TMEM132D: variants seen among roughly 807,000 people sequenced by gnomAD.
The protein encoded by TMEM132D is mature OL transmembrane protein.
A neutral mutation model predicts 62.3 loss-of-function variants in TMEM132D; 21 were observed. The ratio of observed to expected loss-of-function variants is 0.34; its 90% CI spans 0.24 to 0.49. The LOEUF (loss-of-function observed/expected upper bound fraction) is 0.49. Ranked by LOEUF, TMEM132D falls within the 20% of genes least tolerant of loss-of-function variation. The pLI is 0.99. For synonymous variants in TMEM132D, 621 were observed against 575.6 expected (o/e 1.08, Z -1.13); for missense variants, 1,346 against 1,402.8 (o/e 0.96, Z 0.65).
At chr12:129,816,956 C>T (rs922816258) in intron 1 of TMEM132D, among the ~76,000 whole-genome samples, 7 of 152,156 alleles carry the variant, frequency 4.6e-5, no homozygotes, top group Middle Eastern at 3.2e-3. Context: ...TGAGTCAGCT[C>T]TTATTATAGT....
At chr12:129,147,289 C>CATATGTATATATATACATGTGG (rs1565978413) in intron 5 of TMEM132D, among the ~76,000 whole-genome samples, 1 of 148,416 alleles carries the variant, frequency 6.7e-6, no homozygotes, top group Non-Finnish European at 1.5e-5. Context: ...TATACATGTG[C>CATATGTATATATATACATGTGG]ATATGTATAT....
chr12:129,732,178 G>T (rs1869271035), intron 1 of TMEM132D, among the ~76,000 whole-genome samples: 2 of 152,098 alleles, frequency 1.3e-5, no homozygotes, highest in South Asian at 2.1e-4. Context: ...TCCTCAGATC[G>T]CATGGGGAAG....
In TMEM132D at chr12:129,731,726, T is replaced by C. The variant is rs552996561; in HGVS notation, c.80-31028A>G. On this transcript the variant is annotated intron_variant, in intron 1 of 8. Coordinates refer to ENST00000422113, the MANE Select transcript of TMEM132D (RefSeq NM_133448.3). Reference sequence around the variant, plus strand: ...CGCCCGGGCTACAGTGCAGTGGCACTATCTTGGCTCACTGCAAGCTCCGCC... The same window carrying C: ...CGCCCGGGCTACAGTGCAGTGGCACCATCTTGGCTCACTGCAAGCTCCGCC... Among the ~76,000 whole-genome samples the C allele has an allele frequency of 2.6e-5, 4 of 152,116 alleles. No individual in the cohort carries two copies. In the East Asian group the frequency reaches 5.8e-4, roughly 22 times the overall value.
intron 3 of TMEM132D, among the ~76,000 whole-genome samples, chr12:129,469,332 T>C (rs1450800675): frequency 6.6e-6 from 1 of 152,224 alleles, no homozygotes; most frequent in Admixed American, 6.5e-5. Context: ...AACTCTGTGA[T>C]AACCTTTCTC....
chr12:129,147,335 TA>T (rs1876942088), intron 5 of TMEM132D, among the ~76,000 whole-genome samples: 1 of 147,822 alleles, frequency 6.8e-6, no homozygotes, highest in Non-Finnish European at 1.5e-5. Context: ...TATACATATA[TA>T]TTTTTTCTGA....
chr12:129,166,307 G>A (rs12821638), intron 5 of TMEM132D, among the ~76,000 whole-genome samples: 11,620 of 44,766 alleles, frequency 0.26, 1,407 homozygotes, highest in African/African-American at 0.36. Flanking sequence ...CCCCTGCTCC[G>A]TCTAAAGGGC....
At chr12:129,564,362 A>G (rs1384728936) in intron 2 of TMEM132D, among the ~76,000 whole-genome samples, 1 of 152,234 alleles carries the variant, frequency 6.6e-6, no homozygotes, top group Non-Finnish European at 1.5e-5. Context: ...GACAGAATTA[A>G]CAGACTAAAA....
At position 129,734,925 on chromosome 12, in the gene TMEM132D, C is replaced by A. The variant is rs572385797; in HGVS notation, c.80-34227G>T. Among the ~76,000 whole-genome samples, 9 of 152,136 alleles carry A rather than the reference C, an allele frequency of 5.9e-5. No individual in the cohort carries two copies. In the East Asian group the frequency reaches 1.4e-3, roughly 23 times the overall value. ...ACAAAGGAACTGGAACTATAAAAGG[C>A]AAGTAACCTGATAATCATAGAAACA... is the stretch of plus-strand genomic sequence containing the variant. On this transcript the variant is annotated intron_variant, in intron 1 of 8. Transcript: ENST00000422113.
chr12:129,676,980 T>C (rs1880647406), intron 2 of TMEM132D, among the ~76,000 whole-genome samples: 2 of 152,196 alleles, frequency 1.3e-5, no homozygotes, highest in Admixed American at 1.3e-4. Flanking sequence ...TTTAGAAAAT[T>C]TACATATCAG....
At chr12:129,719,689 C>T (rs920603206) in intron 1 of TMEM132D, among the ~76,000 whole-genome samples, 9 of 152,192 alleles carry the variant, frequency 5.9e-5, no homozygotes, top group Non-Finnish European at 8.8e-5. Context: ...ATTAGTTATT[C>T]GACCAGAAAG....
intron 1 of TMEM132D, among the ~76,000 whole-genome samples, chr12:129,869,851 G>T (rs1386590319): frequency 6.6e-6 from 1 of 152,128 alleles, no homozygotes; most frequent in Non-Finnish European, 1.5e-5. Context: ...TCTCCATCTA[G>T]ACATCTCTAG....
At chr12:129,518,110 A>G (rs1003647904) in intron 3 of TMEM132D, among the ~76,000 whole-genome samples, 3 of 152,188 alleles carry the variant, frequency 2.0e-5, no homozygotes, top group Admixed American at 6.6e-5. Flanking sequence ...GAGGATAAAC[A>G]ATTTCATTTT....
chr12:129,819,863 G>A (rs1872495968), intron 1 of TMEM132D, among the ~76,000 whole-genome samples: 1 of 152,160 alleles, frequency 6.6e-6, no homozygotes, highest in African/African-American at 2.4e-5. Flanking sequence ...AAAGAAAAGT[G>A]CTGCTGCTAC....
intron 1 of TMEM132D, among the ~76,000 whole-genome samples, chr12:129,849,503 C>A (rs937964136): frequency 6.6e-6 from 1 of 152,142 alleles, no homozygotes; most frequent in Non-Finnish European, 1.5e-5. Flanking sequence ...TGAATCTACT[C>A]GAGTTATGTG....
intron 2 of TMEM132D, among the ~76,000 whole-genome samples, chr12:129,583,364 T>A (rs1202277075): frequency 6.6e-6 from 1 of 152,176 alleles, no homozygotes; most frequent in African/African-American, 2.4e-5. Context: ...CACTAAGGAA[T>A]GACAACATGA....
chr12:129,495,200 A>G (rs1397691139), intron 3 of TMEM132D, among the ~76,000 whole-genome samples: 2 of 141,620 alleles, frequency 1.4e-5, no homozygotes, highest in Non-Finnish European at 3.0e-5. Flanking sequence ...TTAGATTCAC[A>G]CAAACAAGAG....
intron 1 of TMEM132D, among the ~76,000 whole-genome samples, chr12:129,704,885 A>G (rs1463728186): frequency 6.6e-6 from 1 of 152,076 alleles, no homozygotes; most frequent in Non-Finnish European, 1.5e-5. Context: ...TACCTTTTAT[A>G]CAAAATGACT....
chr12:129,144,631 A>G (rs1002753560), intron 5 of TMEM132D, among the ~76,000 whole-genome samples: 3 of 152,142 alleles, frequency 2.0e-5, no homozygotes, highest in African/African-American at 7.2e-5. Context: ...ACATGAGACC[A>G]GCCCAAATTG....
At chr12:129,177,428 G>A (rs1483141226) in intron 5 of TMEM132D, among the ~76,000 whole-genome samples, 1 of 152,202 alleles carries the variant, frequency 6.6e-6, no homozygotes, top group East Asian at 1.9e-4. Context: ...GGGAAAAGTA[G>A]ATTAGGATGA....
Sources: gnomAD v4.1 joint callset for allele counts (sites outside exome capture counted in the v4.1 genomes callset) on GRCh38, gnomAD v4.1.1 for gene constraint, MANE v1.5 for transcripts, NCBI Gene and HGNC (gene_info 2026-07-23, HGNC 2026-07-21) for gene names.